Variants in GRIK4 observed in about 807,000 individuals in gnomAD.
GRIK4 encodes the protein glutamate ionotropic receptor kainate type subunit 4.
A neutral mutation model predicts 104.9 loss-of-function variants in GRIK4; 40 were observed. That is an observed-to-expected ratio of 0.38 (90% confidence interval 0.30 to 0.50). The LOEUF is 0.50. Among genes scored for constraint, GRIK4 ranks in the 20% least tolerant of loss-of-function variants. The probability of loss-of-function intolerance (pLI) is 0.93; values close to 1 mark genes in which losing one functional copy is unlikely to be tolerated. For missense variants in GRIK4, 1,047 were observed against 1,308.1 expected, an observed-to-expected ratio of 0.80 and a Z score of 3.08; for synonymous variants, 485 against 524.9, an observed-to-expected ratio of 0.92 and a Z score of 1.04.
At chr11:120,680,358 C>T (rs527842106) in intron 3 of GRIK4, among the ~76,000 whole-genome samples, 2 of 148,108 alleles carry the variant, frequency 1.4e-5, no homozygotes, top group African/African-American at 4.9e-5. Flanking sequence ...CTAAGTATTA[C>T]AGACGTGAGC....
intron 4 of GRIK4, among the ~76,000 whole-genome samples, chr11:120,809,505 A>AAATCCCCAGGCC (rs1388552864): frequency 1.3e-5 from 2 of 152,248 alleles, no homozygotes; most frequent in East Asian, 3.8e-4. Flanking sequence ...AGATCCCAGG[A>AAATCCCCAGGCC]AATCCCCAGG....
chr11:120,979,106 C>T (rs1944609087), intron 19 of GRIK4, among the ~76,000 whole-genome samples: 1 of 152,182 alleles, frequency 6.6e-6, no homozygotes, highest in Non-Finnish European at 1.5e-5. Context: ...AGCTTAAAAG[C>T]TTTTTGAGTG....
intron 11 of GRIK4, chr11:120,894,730 G>C (rs1942525683): frequency 6.6e-6 from 1 of 152,492 alleles, no homozygotes; most frequent in South Asian, 2.1e-4. Flanking sequence ...GTGTCAGCAG[G>C]GTGGAGCAAA....
At chr11:120,977,672 A>G (rs779038765) in intron 19 of GRIK4, among the ~76,000 whole-genome samples, 2 of 152,314 alleles carry the variant, frequency 1.3e-5, no homozygotes, top group Non-Finnish European at 2.9e-5. Context: ...GCCAACACCC[A>G]TGATTAACAT....
At chr11:120,544,863 C>T (rs1308262767) in intron 1 of GRIK4, among the ~76,000 whole-genome samples, 2 of 152,108 alleles carry the variant, frequency 1.3e-5, no homozygotes, top group Non-Finnish European at 2.9e-5. Flanking sequence ...TGTCCTTTTC[C>T]ACTAAGGGAC....
chr11:120,987,460 T>G lies in GRIK4; in HGVS notation c.*1200T>G, dbSNP rs1944775695. The G allele has an allele frequency of 6.6e-6, 1 of 152,150 alleles. No homozygotes were observed. Among genetic ancestry groups the G allele is most frequent in the Non-Finnish European group, 1.5e-5 (1 of 68,042 alleles). 9.4% of individuals were successfully genotyped at this position (152,150 alleles called of 1,614,324 possible). A position where few individuals can be genotyped will look rare whatever the true frequency, so the allele number is the denominator to read the frequency against. On this transcript the variant is annotated 3_prime_UTR_variant, in exon 21 of 21. Coordinates refer to ENST00000527524, the MANE Select transcript of GRIK4 (RefSeq NM_014619.5). ...GGGTGCAAGTGTATGTGTGTGTATG[T>G]GTGCGCGCGTGTGCGTGTGTGTATT...
At chr11:120,614,990 C>A (rs866859798) in intron 1 of GRIK4, among the ~76,000 whole-genome samples, 1 of 152,154 alleles carries the variant, frequency 6.6e-6, no homozygotes, top group African/African-American at 2.4e-5. Context: ...CAAAGCAAGA[C>A]TCAATCTCAA....
chr11:120,880,496 A>G lies in GRIK4; in HGVS notation c.1164+5253A>G, dbSNP rs114274707. 9.6e-3 allele frequency among the ~76,000 whole-genome samples: 1,463 copies of G among 152,346 alleles called. 21 individuals carry two copies. Among genetic ancestry groups the G allele is most frequent in the African/African-American group, 0.033 (1,356 of 41,578 alleles). ...AAGAACTGGGTCTGAGTACAAGTCC[A>G]AGTACAAGTACAAGGCAGGACTGGG... is the stretch of plus-strand genomic sequence containing the variant. On this transcript the variant is annotated intron_variant, in intron 11 of 20. Coordinates refer to ENST00000527524, the MANE Select transcript of GRIK4 (RefSeq NM_014619.5).
chr11:120,918,066 A>G (rs1250111552), intron 13 of GRIK4, among the ~76,000 whole-genome samples: 3 of 152,190 alleles, frequency 2.0e-5, no homozygotes, highest in African/African-American at 7.2e-5. Context: ...CCCCAGCCAC[A>G]CAGCAGAGAT....
intron 3 of GRIK4, among the ~76,000 whole-genome samples, chr11:120,755,665 A>T (rs2846090): frequency 0.085 from 12,786 of 150,568 alleles, 1,082 homozygotes; most frequent in African/African-American, 0.23. Flanking sequence ...ATAATAATAA[A>T]AATAATTTAC....
intron 3 of GRIK4, among the ~76,000 whole-genome samples, chr11:120,778,135 T>C (rs1952079439): frequency 6.6e-6 from 1 of 152,190 alleles, no homozygotes; most frequent in South Asian, 2.1e-4. Context: ...TATAATGATT[T>C]GCTTTTGTTT....
intron 1 of GRIK4, among the ~76,000 whole-genome samples, chr11:120,553,707 A>G (rs1183786281): frequency 6.6e-6 from 1 of 151,956 alleles, no homozygotes; most frequent in Admixed American, 6.6e-5. Flanking sequence ...TGGGGAGGGG[A>G]GGGGAAGTTA....
At chr11:120,923,117 G>A (rs891678233) in intron 13 of GRIK4, among the ~76,000 whole-genome samples, 1 of 152,206 alleles carries the variant, frequency 6.6e-6, no homozygotes, top group Non-Finnish European at 1.5e-5. Context: ...ACACAGGTGG[G>A]AGATCAAAAC....
intron 11 of GRIK4, 60 bp downstream of exon 11, chr11:120,875,303 C>T (rs987980637): frequency 6.4e-6 from 7 of 1,097,768 alleles, no homozygotes; most frequent in Non-Finnish European, 8.4e-6. Flanking sequence ...TTCATTGATG[C>T]CTCGGTGTTT....
intron 1 of GRIK4, among the ~76,000 whole-genome samples, chr11:120,610,924 G>C (rs1366436717): frequency 6.6e-6 from 1 of 152,130 alleles, no homozygotes; most frequent in Admixed American, 6.5e-5. Context: ...TGGTGCTCAG[G>C]CCTTTTACAT....
chr11:120,779,941 T>G (rs971240592), intron 3 of GRIK4, among the ~76,000 whole-genome samples: 1 of 152,236 alleles, frequency 6.6e-6, no homozygotes, highest in Admixed American at 6.5e-5. Context: ...CTGTGTGACC[T>G]TGAGTTGGGG....
Position 120,555,595 on chromosome 11 carries a change from A to G in GRIK4, c.-159+43708A>G, listed in dbSNP as rs139615332. Among the ~76,000 whole-genome samples, 1,078 of 151,886 alleles carry G rather than the reference A, an allele frequency of 7.1e-3. 9 individuals carry two copies. The highest frequency in any genetic ancestry group is 0.011 in the Non-Finnish European group (761 of 67,948). On this transcript the variant is annotated intron_variant, in intron 1 of 20. Coordinates refer to ENST00000527524, the MANE Select transcript of GRIK4 (RefSeq NM_014619.5). This position sits in a 1 kb window ranked among gnomAD's most constrained non-coding sequence, Gnocchi z 5.3. ...TCCGCCTGCCTTTCCCGACCTACCC[A>G]CTTCTGGGGAGTTTCTTATCTGGCA... is the stretch of plus-strand genomic sequence containing the variant.
Position 120,765,538 on chromosome 11 carries a change from A to G in GRIK4, c.83-37155A>G, listed in dbSNP as rs937145270. Among the ~76,000 whole-genome samples, 6 of 152,072 alleles carry G rather than the reference A, an allele frequency of 3.9e-5. No individual in the cohort carries two copies. In the East Asian group the frequency reaches 1.2e-3, roughly 29 times the overall value. On this transcript the variant is annotated intron_variant, in intron 3 of 20. Transcript: ENST00000527524. ...TGTGACCCTTTGGAGGAGAAGCAGC[A>G]TTCTGGTTTTTGGAATTTTCAGCCT...
chr11:120,963,997 T>TATTTATTTA (rs1555104876), intron 18 of GRIK4, among the ~76,000 whole-genome samples: 1 of 146,282 alleles, frequency 6.8e-6, no homozygotes, highest in Non-Finnish European at 1.5e-5. Context: ...ATTTATTTAT[T>TATTTATTTA]TTTATTTATT....
Sources: allele counts gnomAD v4.1 joint callset (sites outside exome capture counted in the v4.1 genomes callset), GRCh38; gene constraint gnomAD v4.1.1; non-coding constraint Gnocchi (gnomAD v3.1); transcripts MANE v1.5; gene names NCBI Gene and HGNC (gene_info 2026-07-23, HGNC 2026-07-21).